TCEA1: variants seen among roughly 807,000 people sequenced by gnomAD.
TCEA1 encodes the protein transcription elongation factor A protein 1.
TCEA1 carries 21 observed loss-of-function variants against 43.8 expected under a neutral mutation model. The ratio of observed to expected loss-of-function variants is 0.48; its 90% CI spans 0.34 to 0.69. The LOEUF is 0.69. Among genes scored for constraint, TCEA1 ranks in the 30% least tolerant of loss-of-function variants. The probability of loss-of-function intolerance (pLI) is 0.01; values close to 1 mark genes in which losing one functional copy is unlikely to be tolerated. For synonymous variants in TCEA1, 104 were observed against 117.5 expected, an observed-to-expected ratio of 0.88 and a Z score of 0.75; for missense variants, 250 against 365.1, an observed-to-expected ratio of 0.68 and a Z score of 2.57.
intron 8 of TCEA1, among the ~76,000 whole-genome samples, chr8:53,974,729 C>G (rs991899579): frequency 6.6e-5 from 10 of 151,986 alleles, no homozygotes; most frequent in African/African-American, 2.4e-4. Context: ...GGGGTTTCAC[C>G]ATGTTGGCCA....
At chr8:53,985,613 C>T (rs1361375453) in intron 6 of TCEA1, among the ~76,000 whole-genome samples, 3 of 152,180 alleles carry the variant, frequency 2.0e-5, no homozygotes, top group African/African-American at 7.2e-5. Flanking sequence ...GAAGAGGCCA[C>T]TGCCAAAGCT....
intron 1 of TCEA1, among the ~76,000 whole-genome samples, chr8:54,014,732 T>C (rs969162222): frequency 3.9e-5 from 6 of 152,176 alleles, no homozygotes; most frequent in African/African-American, 1.2e-4. Context: ...CTCAAGGAGA[T>C]GTAAAAAGGA....
chr8:53,970,320 A>G (rs774533047), intron 9 of TCEA1, 72 bp downstream of exon 9: 8 of 998,298 alleles, frequency 8.0e-6, no homozygotes, highest in African/African-American at 7.9e-5. Flanking sequence ...ATCTAGGCAG[A>G]CCTATGAAAA....
intron 1 of TCEA1, among the ~76,000 whole-genome samples, chr8:54,017,513 C>G (rs1305795541): frequency 6.6e-6 from 1 of 152,160 alleles, no homozygotes; most frequent in Non-Finnish European, 1.5e-5. Context: ...CTCTGTCACC[C>G]AGGCTAAGTG....
chr8:53,990,166 C>T (rs920715709), intron 4 of TCEA1, among the ~76,000 whole-genome samples: 4 of 151,466 alleles, frequency 2.6e-5, no homozygotes. Flanking sequence ...CCACTGCACT[C>T]CATCCTGGGT....
At chr8:53,993,615 A>G in intron 4 of TCEA1, 53 bp downstream of exon 4, 1 of 1,435,832 alleles carries the variant, frequency 7.0e-7, no homozygotes, top group Non-Finnish European at 9.6e-7. Flanking sequence ...GAATTGATGC[A>G]GGAAGTAAAA....
At chr8:54,007,370 A>G (rs1804503859) in intron 2 of TCEA1, among the ~76,000 whole-genome samples, 1 of 152,148 alleles carries the variant, frequency 6.6e-6, no homozygotes, top group African/African-American at 2.4e-5. Flanking sequence ...TTATCAAGAC[A>G]GAGTCTTGCT....
intron 3 of TCEA1, 29 bp from the exon 4 acceptor site, chr8:53,993,784 T>G (rs963144289): frequency 6.3e-7 from 1 of 1,584,312 alleles, no homozygotes; most frequent in Non-Finnish European, 8.6e-7. Flanking sequence ...CTTAAGTTGC[T>G]AGCATTTGTA....
chr8:54,006,732 C>G (rs912837769), intron 2 of TCEA1, among the ~76,000 whole-genome samples: 3 of 152,196 alleles, frequency 2.0e-5, no homozygotes, highest in African/African-American at 7.2e-5. Flanking sequence ...AGTTGACTTG[C>G]AAGAGAAGTT....
chr8:53,972,886 T>C, intron 8 of TCEA1: 1 of 697,434 alleles, frequency 1.4e-6, no homozygotes. Context: ...GATACTACTT[T>C]TGATGATGAG....
intron 2 of TCEA1, among the ~76,000 whole-genome samples, chr8:54,005,627 CT>C (rs34459705): frequency 0.33 from 49,533 of 152,006 alleles, 9,315 homozygotes; most frequent in Non-Finnish European, 0.45. Context: ...AATTCCTCCA[CT>C]CCTTCACCTC....
intron 6 of TCEA1, among the ~76,000 whole-genome samples, chr8:53,986,274 G>A (rs542929196): frequency 6.6e-6 from 1 of 152,270 alleles, no homozygotes; most frequent in East Asian, 1.9e-4. Context: ...TGGTCCTAGA[G>A]GACAATGACC....
chr8:53,971,975 A>G (rs759694139), intron 8 of TCEA1: 30 of 191,004 alleles, frequency 1.6e-4, no homozygotes, highest in Admixed American at 4.4e-4. Context: ...AAAAAAGTAC[A>G]AAAGAGAAAA....
At position 53,990,267 on chromosome 8, in the gene TCEA1, C is replaced by G. The variant is rs527320176; in HGVS notation, c.321-2008G>C. Among the ~76,000 whole-genome samples the G allele has an allele frequency of 1.1e-4, 17 of 151,480 alleles. No homozygotes were observed. The South Asian group carries it at 3.5e-3, about 31-fold the overall frequency. On this transcript the variant is annotated intron_variant, in intron 4 of 9. Coordinates refer to ENST00000521604, the MANE Select transcript of TCEA1 (RefSeq NM_006756.4). ...AGAGAAAGGGTCTATGTTGTCCAGG[C>G]TGGTCTCAAACTCCTGACCTCAAGT...
At chr8:54,010,032 T>TAA in intron 2 of TCEA1, 2 of 180,968 alleles carry the variant, frequency 1.1e-5, no homozygotes, top group Non-Finnish European at 1.1e-5. Context: ...TGACTGGTGC[T>TAA]AAAAAAAAAA....
Position 54,022,282 on chromosome 8 carries a change from G to GGCGGCA in TCEA1, c.-158_-157insTGCCGC, listed in dbSNP as rs2129316534. 2.6e-6 allele frequency: 2 copies of GGCGGCA among 777,082 alleles called. No homozygotes were observed. Among genetic ancestry groups the GGCGGCA allele is most frequent in the East Asian group, 6.3e-5 (2 of 31,914 alleles). 48.1% of individuals were successfully genotyped at this position (777,082 alleles called of 1,614,324 possible). ...CTTCCTTACGAACGAAGCCCGCGGC[G>GGCGGCA]GCGGCGGCGGCGGCGGCGGCTCCGG... On this transcript the variant is annotated 5_prime_UTR_variant, in exon 1 of 10. Coordinates refer to ENST00000521604, the MANE Select transcript of TCEA1 (RefSeq NM_006756.4).
intron 7 of TCEA1, 21 bp from the exon 8 acceptor site, chr8:53,979,192 C>T (rs758387042): frequency 5.0e-6 from 8 of 1,608,438 alleles, no homozygotes; most frequent in East Asian, 2.2e-5. Flanking sequence ...GGGGGCAATA[C>T]CACTCAGTTA....
At chr8:54,005,937 A>T (rs1804422866) in intron 2 of TCEA1, among the ~76,000 whole-genome samples, 1 of 152,178 alleles carries the variant, frequency 6.6e-6, no homozygotes, top group Admixed American at 6.5e-5. Context: ...CCATGTCTTT[A>T]ACCCCATATG....
chr8:53,983,909 GACC>G (rs1019178464), intron 7 of TCEA1, among the ~76,000 whole-genome samples: 3 of 152,168 alleles, frequency 2.0e-5, no homozygotes, highest in African/African-American at 7.2e-5. Context: ...AGACCAGCCT[GACC>G]AACATGAAGA....
Sources: allele counts gnomAD v4.1 joint callset (sites outside exome capture counted in the v4.1 genomes callset), GRCh38; gene constraint gnomAD v4.1.1; transcripts MANE v1.5; gene names NCBI Gene and HGNC (gene_info 2026-07-23, HGNC 2026-07-21).